Variants in PCDHGB3 observed in about 807,000 individuals in gnomAD.
The protein encoded by PCDHGB3 is protocadherin gamma-B3.
PCDHGB3 carries 40 observed loss-of-function variants against 59.2 expected under a neutral mutation model. The observed-to-expected ratio is 0.68, with a 90% CI of 0.52 to 0.88. The LOEUF (loss-of-function observed/expected upper bound fraction) is 0.88, where lower values mean the gene tolerates loss of function less well. PCDHGB3 is among the 40% of genes least tolerant of loss of function. The pLI is 0.00. For missense variants in PCDHGB3, 1,309 were observed against 1,187.9 expected (o/e 1.10, Z -1.50); for synonymous variants, 581 against 503.6 (o/e 1.15, Z -2.06).
At chr5:141,375,623 C>G in intron 1 of PCDHGB3, 5 of 1,614,244 alleles carry the variant, frequency 3.1e-6, no homozygotes, top group Non-Finnish European at 3.4e-6. Flanking sequence ...CACTGGGATT[C>G]TGTACGCCCT....
chr5:141,470,021 C>T (rs111919483), intron 1 of PCDHGB3, among the ~76,000 whole-genome samples: 8 of 152,156 alleles, frequency 5.3e-5, no homozygotes, highest in African/African-American at 1.9e-4. Flanking sequence ...CCCAGCTACT[C>T]GGGATGCTGA....
At chr5:141,492,487 C>G (rs1031047955) in intron 1 of PCDHGB3, among the ~76,000 whole-genome samples, 1 of 152,222 alleles carries the variant, frequency 6.6e-6, no homozygotes, top group Non-Finnish European at 1.5e-5. Flanking sequence ...CGCCCAGGAC[C>G]AGGCGAGGAC....
intron 2 of PCDHGB3, among the ~76,000 whole-genome samples, chr5:141,497,290 C>A (rs182104163): frequency 4.7e-4 from 72 of 152,184 alleles, no homozygotes; most frequent in Middle Eastern, 3.4e-3. Flanking sequence ...CTCTACCTAC[C>A]ACCACCCCAG....
intron 1 of PCDHGB3, chr5:141,376,159 C>G: frequency 6.2e-7 from 1 of 1,614,084 alleles, no homozygotes; most frequent in Non-Finnish European, 8.5e-7. Context: ...TCACTCTGTA[C>G]CTGGTGGTGG....
intron 1 of PCDHGB3, chr5:141,442,490 T>C (rs2098328971): frequency 6.6e-6 from 1 of 152,222 alleles, no homozygotes; most frequent in South Asian, 2.1e-4. Flanking sequence ...AAGGGGATGA[T>C]TGTGATTATT....
chr5:141,414,434 C>T (rs774467993), intron 1 of PCDHGB3: 5 of 1,613,704 alleles, frequency 3.1e-6, no homozygotes, highest in Non-Finnish European at 3.4e-6. Context: ...GAACAGGTAT[C>T]CTCTTACAAT....
At chr5:141,503,230 G>A (rs911238781) in intron 2 of PCDHGB3, among the ~76,000 whole-genome samples, 1 of 152,006 alleles carries the variant, frequency 6.6e-6, no homozygotes, top group African/African-American at 2.4e-5. Context: ...CCGTAAAGAT[G>A]GACAGTTTCT....
chr5:141,476,071 T>A lies in PCDHGB3; in HGVS notation c.2416-18736T>A. On this transcript the variant is annotated intron_variant, in intron 1 of 3. Transcript: ENST00000576222. The surrounding 1 kb of genome is among the most constrained non-coding windows in gnomAD (Gnocchi z 7.6). ...CCGCTGAAAGTTTCTCAGCGAAATC[T>A]CAGGGACGATCTGGACCCCGCTGAG... 6.6e-7 allele frequency: 1 copy of A among 1,522,792 alleles called. No individual in the cohort carries two copies. The highest frequency in any genetic ancestry group is 8.8e-7 in the Non-Finnish European group (1 of 1,142,680). 94.3% of individuals were successfully genotyped at this position (1,522,792 alleles called of 1,614,324 possible).
chr5:141,385,582 G>C, intron 1 of PCDHGB3: 1 of 1,273,856 alleles, frequency 7.9e-7, no homozygotes, highest in Non-Finnish European at 9.9e-7. Context: ...TCCAATCTAT[G>C]TTCCAACCTA....
At chr5:141,404,917 G>C in intron 1 of PCDHGB3, 1 of 1,613,772 alleles carries the variant, frequency 6.2e-7, no homozygotes, top group Non-Finnish European at 8.5e-7. Flanking sequence ...CCCCTCTCTC[G>C]GCCACTGTCA....
rs118080774 is a variant in PCDHGB3, at chr5:141,422,026, G to A, written c.2415+49217G>A. On this transcript the variant is annotated intron_variant, in intron 1 of 3. Coordinates refer to ENST00000576222, the MANE Select transcript of PCDHGB3 (RefSeq NM_018924.5). ...CGGAACTCGGGTGCTGATGGTTAAT[G>A]CAACGGATCCAGACGAGGGAATCAA... 69 of 1,611,394 alleles carry A rather than the reference G, an allele frequency of 4.3e-5. No individual in the cohort carries two copies. The East Asian group carries it at 1.4e-3, about 32-fold the overall frequency.
At chr5:141,382,912 C>T in intron 1 of PCDHGB3, 1 of 1,552,240 alleles carries the variant, frequency 6.4e-7, no homozygotes, top group South Asian at 1.2e-5. Context: ...GGCGGCTCAG[C>T]CGAGGGGCGG....
chr5:141,466,206 T>C (rs2099118813), intron 1 of PCDHGB3, among the ~76,000 whole-genome samples: 1 of 152,126 alleles, frequency 6.6e-6, no homozygotes, highest in Admixed American at 6.5e-5. Flanking sequence ...AGCCTTGCTC[T>C]GTTACCCAGG....
In PCDHGB3 at chr5:141,392,458, G is replaced by A. The variant is rs113238570; in HGVS notation, c.2415+19649G>A. The A allele has an allele frequency of 2.2e-3, 375 of 170,410 alleles. 4 individuals are homozygous for A. Among genetic ancestry groups the A allele is most frequent in the African/African-American group, 8.5e-3 (357 of 42,198 alleles). The allele number at this position is 170,410 out of a possible 1,614,324, so 10.6% of individuals were successfully genotyped here. ...GTTTCTTTTAAAATATGGGTTTACG[G>A]ATAAATCAAATAAATTCAAAACAAA... On this transcript the variant is annotated intron_variant, in intron 1 of 3. Coordinates refer to ENST00000576222, the MANE Select transcript of PCDHGB3 (RefSeq NM_018924.5).
chr5:141,432,071 AT>A lies in PCDHGB3; in HGVS notation c.2415+59263del. 1 of 1,614,158 alleles carries A rather than the reference AT, an allele frequency of 6.2e-7. No individual in the cohort carries two copies. Among genetic ancestry groups the A allele is most frequent in the Non-Finnish European group, 8.5e-7 (1 of 1,180,032 alleles). ...CCCGCCCCTATCCACGGAAACTCAT[AT>A]CTCGCTGAACGTGGCAGACACCAAC... On this transcript the variant is annotated intron_variant, in intron 1 of 3. Transcript: ENST00000576222. The surrounding 1 kb of genome is among the most constrained non-coding windows in gnomAD (Gnocchi z 6.0).
chr5:141,389,303 G>A (rs773665051), intron 1 of PCDHGB3: 4 of 1,613,882 alleles, frequency 2.5e-6, no homozygotes, highest in Non-Finnish European at 3.4e-6. Context: ...CACAAGTCAG[G>A]GCTTCTGATC....
intron 1 of PCDHGB3, chr5:141,377,576 A>G (rs1241799520): frequency 1.3e-5 from 2 of 151,642 alleles, no homozygotes; most frequent in African/African-American, 2.4e-5. Context: ...AGCCTGGGAG[A>G]CAGAATGAGA....
chr5:141,403,163 A>C, intron 1 of PCDHGB3: 1 of 1,614,052 alleles, frequency 6.2e-7, no homozygotes, highest in South Asian at 1.1e-5. Flanking sequence ...CTCTAGAGGT[A>C]GGACGCAGCT....
rs889945954 is a variant in PCDHGB3, at chr5:141,489,368, C to A, written c.2416-5439C>A. The A allele has an allele frequency of 2.5e-6, 4 of 1,613,384 alleles. No homozygotes were observed. Among genetic ancestry groups the A allele is most frequent in the Non-Finnish European group, 3.4e-6 (4 of 1,179,478 alleles). On this transcript the variant is annotated intron_variant, in intron 1 of 3. Coordinates refer to ENST00000576222, the MANE Select transcript of PCDHGB3 (RefSeq NM_018924.5). The surrounding 1 kb of genome is among the most constrained non-coding windows in gnomAD (Gnocchi z 4.5). ...GTGGTGGAGGAGTCTGAGCCGGGGA[C>A]GCTGGTGGGGAATGTTGCTCAGGAT...
Sources: allele counts gnomAD v4.1 joint callset (sites outside exome capture counted in the v4.1 genomes callset), GRCh38; gene constraint gnomAD v4.1.1; non-coding constraint Gnocchi (gnomAD v3.1); transcripts MANE v1.5; gene names NCBI Gene and HGNC (gene_info 2026-07-23, HGNC 2026-07-21).